Variants in PKD1L3 observed in about 807,000 individuals in gnomAD.
PKD1L3 encodes polycystin 1 like 3, transient receptor potential channel interacting.
Under a neutral mutation model 184.1 loss-of-function variants are expected in PKD1L3, and 239 were observed. That is an observed-to-expected ratio of 1.30 (90% CI 1.17 to 1.45). The LOEUF (loss-of-function observed/expected upper bound fraction) is 1.45, where lower values mean the gene tolerates loss of function less well. Ranked by LOEUF, PKD1L3 falls within the 40% of genes most tolerant of loss-of-function variation. The pLI, the probability that PKD1L3 is intolerant of heterozygous loss-of-function variation, is 0.00. For missense variants in PKD1L3, 2,660 were observed against 2,067.2 expected (o/e 1.29, Z -5.56); for synonymous variants, 996 against 778.8 (o/e 1.28, Z -4.64).
Position 71,970,063 on chromosome 16 carries a change from TAC to T in PKD1L3, c.1994_1995del (p.Cys665Ter). The T allele has an allele frequency of 6.4e-7, 1 of 1,551,686 alleles. No homozygotes were observed. The highest frequency in any genetic ancestry group is 8.7e-7 in the Non-Finnish European group (1 of 1,146,992). ...QSTILRTQCL[C>X]NHLTFFASDF... is the part of the protein sequence containing the mutation. ...TCGCTGGCAAAGAAGGTCAGGTGGT[TAC>T]AGAGACACTGTGTCCTCAGAATTGT... On this transcript the variant is annotated frameshift_variant, in exon 13 of 30. Coordinates refer to ENST00000620267, the MANE Select transcript of PKD1L3 (RefSeq NM_181536.2). LOFTEE classifies it high-confidence loss of function.
chr16:71,994,826 G>T (rs530179967), intron 2 of PKD1L3, among the ~76,000 whole-genome samples: 1 of 151,944 alleles, frequency 6.6e-6, no homozygotes, highest in African/African-American at 2.4e-5. Context: ...TGGTGAAACC[G>T]CCGTCTCTAC....
chr16:71,990,216 G>T (rs1421357403), intron 4 of PKD1L3, 64 bp downstream of exon 4: 2 of 1,357,620 alleles, frequency 1.5e-6, no homozygotes, highest in Non-Finnish European at 2.0e-6. Flanking sequence ...GCTCTAACCA[G>T]ATCTACTAGG....
intron 25 of PKD1L3, among the ~76,000 whole-genome samples, chr16:71,936,482 C>T (rs1486958070): frequency 1.3e-5 from 2 of 148,978 alleles, no homozygotes. Flanking sequence ...GGATTACAGG[C>T]GTGAGCCACT....
chr16:71,935,503 G>C lies in PKD1L3; in HGVS notation c.4468C>G (p.Gln1490Glu). Residue 1490 changes from glutamine (Q) to glutamate (E), a missense_variant, in exon 26 of 30, where the codon CAG becomes GAG. Physicochemically the swap from Gln to Glu is conservative, Grantham distance 29. Transcript: ENST00000620267. ...YAFIQGCQLKQQKWRFFTGKR... is the reference protein window; with the variant it reads ...YAFIQGCQLKEQKWRFFTGKR... ...CCAGTGAAGAACCTCCACTTCTGCTGTTTCAGCTGACAACCCTAAACATAG... is the reference window on the plus strand; with the variant it reads ...CCAGTGAAGAACCTCCACTTCTGCTCTTTCAGCTGACAACCCTAAACATAG... The C allele has an allele frequency of 1.3e-6, 2 of 1,552,138 alleles. No individual in the cohort carries two copies. Among genetic ancestry groups the C allele is most frequent in the South Asian group, 1.2e-5 (1 of 84,032 alleles).
chr16:71,983,538 T>C (rs72803753), intron 6 of PKD1L3, among the ~76,000 whole-genome samples: 20,582 of 151,992 alleles, frequency 0.14, 1,883 homozygotes, highest in Non-Finnish European at 0.19. Flanking sequence ...TCCAACAATG[T>C]CACTACTGAT....
Position 71,936,355 on chromosome 16 carries a change from A to C in PKD1L3, c.4453-837T>G, listed in dbSNP as rs1399947618. Among the ~76,000 whole-genome samples the C allele has an allele frequency of 2.6e-5, 4 of 151,272 alleles. No homozygotes were observed. The East Asian group carries it at 7.8e-4, about 30-fold the overall frequency. ...GTAGCTGGGACTATAGGAGCCCGCC[A>C]CCATGCCCAGCTGATTTTTGTATTT... is the stretch of plus-strand genomic sequence containing the variant. On this transcript the variant is annotated intron_variant, in intron 25 of 29. Coordinates refer to ENST00000620267, the MANE Select transcript of PKD1L3 (RefSeq NM_181536.2).
chr16:71,995,220 T>C (rs2040745107), intron 2 of PKD1L3, among the ~76,000 whole-genome samples: 1 of 151,930 alleles, frequency 6.6e-6, no homozygotes, highest in Non-Finnish European at 1.5e-5. Context: ...AGTCCTTTTA[T>C]AAGGGCCCCT....
Position 71,998,709 on chromosome 16 carries a change from C to T in PKD1L3, c.296-315G>A, listed in dbSNP as rs114053744. Among the ~76,000 whole-genome samples the T allele has an allele frequency of 2.1e-3, 323 of 152,310 alleles. 1 individual carries two copies. The highest frequency in any genetic ancestry group is 7.0e-3 in the African/African-American group (292 of 41,586). ...CAGGTGATCCATCCACCTCCACCTTCCAAAGTGCTAGGATTACAGGCGTGA... is the reference window on the plus strand; with the variant it reads ...CAGGTGATCCATCCACCTCCACCTTTCAAAGTGCTAGGATTACAGGCGTGA... On this transcript the variant is annotated intron_variant, in intron 1 of 29. Coordinates refer to ENST00000620267, the MANE Select transcript of PKD1L3 (RefSeq NM_181536.2).
rs2039650417 is a variant in PKD1L3 at position 71,970,010 on chromosome 16, A to G, written c.2049T>C (p.Asn683=). The change falls in exon 13 of 30, where the codon AAT becomes AAC. Residue 683 remains asparagine (N), a synonymous_variant. Transcript: ENST00000620267. ...SDFFVVPRTV[N]VEDTIKLFLR... ...GGAACAGTTTGATCGTGTCTTCAAC[A>G]TTCACGGTCCTGGGCACGACAAAGA... The G allele has an allele frequency of 6.4e-7, 1 of 1,551,746 alleles. No homozygotes were observed. The highest frequency in any genetic ancestry group is 8.7e-7 in the Non-Finnish European group (1 of 1,147,008).
chr16:71,946,725 C>A lies in PKD1L3; in HGVS notation c.3718+767G>T, dbSNP rs76326564. ...TAAAGAAGTGGATTTGTGGGGCAGGCAAACAATTCAGTTTAATTTGACATA... is the reference window on the plus strand; with the variant it reads ...TAAAGAAGTGGATTTGTGGGGCAGGAAAACAATTCAGTTTAATTTGACATA... On this transcript the variant is annotated intron_variant, in intron 22 of 29. Coordinates refer to ENST00000620267, the MANE Select transcript of PKD1L3 (RefSeq NM_181536.2). Among the ~76,000 whole-genome samples the A allele has an allele frequency of 5.3e-3, 693 of 130,750 alleles. 2 individuals carry two copies. The highest frequency in any genetic ancestry group is 8.0e-3 in the Non-Finnish European group (508 of 63,144). 85.8% of individuals were successfully genotyped at this position (130,750 alleles called of 152,430 possible). A position where few individuals can be genotyped will look rare whatever the true frequency, so the allele number is the denominator to read the frequency against.
At chr16:71,973,589 GATCT>G (rs1461317936) in intron 11 of PKD1L3, 72 bp from the exon 12 acceptor site, 36 of 1,296,038 alleles carry the variant, frequency 2.8e-5, no homozygotes, top group Admixed American at 1.0e-4. Context: ...TCTTCTAAAG[GATCT>G]ATTATTAATA....
intron 24 of PKD1L3, among the ~76,000 whole-genome samples, chr16:71,940,553 G>A (rs1216676729): frequency 6.6e-6 from 1 of 151,998 alleles, no homozygotes; most frequent in Non-Finnish European, 1.5e-5. Context: ...AGGCTGGAGT[G>A]CAGTGGCACG....
At position 71,986,347 on chromosome 16, in the gene PKD1L3, G is replaced by A. The variant is rs1396557397; in HGVS notation, c.708C>T (p.Thr236=). ...SQPLPVITQL[T]MPVSVTHAGQ... ...CAGCATGCGTGACAGACACGGGCATGGTGAGCTGTGTTATCACAGGGAGAG... is the reference window on the plus strand; with the variant it reads ...CAGCATGCGTGACAGACACGGGCATAGTGAGCTGTGTTATCACAGGGAGAG... The change falls in exon 5 of 30, where the codon ACC becomes ACT. Residue 236 remains threonine (T), a synonymous_variant. Coordinates refer to ENST00000620267, the MANE Select transcript of PKD1L3 (RefSeq NM_181536.2). 6.4e-7 allele frequency: 1 copy of A among 1,551,340 alleles called. No homozygotes were observed. Among genetic ancestry groups the A allele is most frequent in the African/African-American group, 1.4e-5 (1 of 73,034 alleles).
At chr16:71,976,384 T>TA (rs1172037740) in intron 11 of PKD1L3, among the ~76,000 whole-genome samples, 1 of 150,564 alleles carries the variant, frequency 6.6e-6, no homozygotes, top group South Asian at 2.1e-4. Context: ...GCCTCCCAAG[T>TA]AGCTGGGATT....
At chr16:71,988,313 C>G (rs145082726) in intron 4 of PKD1L3, among the ~76,000 whole-genome samples, 1,966 of 152,260 alleles carry the variant, frequency 0.013, 43 homozygotes, top group African/African-American at 0.044. Flanking sequence ...TTCTGCCTCA[C>G]CCTCCCCAGT....
intron 11 of PKD1L3, among the ~76,000 whole-genome samples, chr16:71,974,130 A>T (rs2143661116): frequency 6.6e-6 from 1 of 152,366 alleles, no homozygotes; most frequent in South Asian, 2.1e-4. Context: ...CAGATAGAAG[A>T]CTAAGGTAAC....
intron 22 of PKD1L3, 126 bp from the exon 23 acceptor site, chr16:71,944,296 C>T: frequency 1.1e-6 from 1 of 914,142 alleles, no homozygotes; most frequent in African/African-American, 1.7e-5. Context: ...ACTACCTATG[C>T]AGTGCTTCTT....
intron 11 of PKD1L3, among the ~76,000 whole-genome samples, chr16:71,974,666 A>C (rs946872973): frequency 1.3e-5 from 2 of 152,234 alleles, no homozygotes; most frequent in African/African-American, 4.8e-5. Flanking sequence ...CCTGGGCGAC[A>C]CAGTGAGCCT....
chr16:71,988,306 T>C (rs868449881), intron 4 of PKD1L3, among the ~76,000 whole-genome samples: 6 of 152,292 alleles, frequency 3.9e-5, no homozygotes, highest in Middle Eastern at 6.8e-3. Context: ...GGAATTCTTC[T>C]GCCTCACCCT....
Sources: allele counts gnomAD v4.1 joint callset (sites outside exome capture counted in the v4.1 genomes callset), GRCh38; gene constraint gnomAD v4.1.1; transcripts MANE v1.5; gene names NCBI Gene and HGNC (gene_info 2026-07-23, HGNC 2026-07-21).